Variants in ENTREP3 observed in about 807,000 individuals in gnomAD.
The protein encoded by ENTREP3 is endosomal transmembrane epsin interactor 3, also known as protein ENTREP3.
the ENTREP3 span, among the ~76,000 whole-genome samples, chr1:155,249,381 G>A: frequency 6.6e-5 from 10 of 151,694 alleles, no homozygotes; most frequent in African/African-American, 2.2e-4. Flanking sequence ...GCAAGCCACC[G>A]TGCCCGGCCT....
chr1:155,248,735 G>T, the ENTREP3 span, among the ~76,000 whole-genome samples: 2 of 151,524 alleles, frequency 1.3e-5, no homozygotes, highest in African/African-American at 4.9e-5. Flanking sequence ...ATTTTTTTGA[G>T]ATGGAGTCTC....
the ENTREP3 span, chr1:155,251,513 C>T: frequency 1.9e-6 from 3 of 1,613,306 alleles, no homozygotes; most frequent in Non-Finnish European, 1.7e-6. Flanking sequence ...TGGCTGTCTC[C>T]TCGTAGTCCC....
the ENTREP3 span, chr1:155,252,715 TA>T: frequency 2.2e-4 from 13 of 59,168 alleles, no homozygotes; most frequent in African/African-American, 5.2e-4. Flanking sequence ...TATATATATA[TA>T]TATATATTTT....
chr1:155,254,945 C>A, the ENTREP3 span: 1 of 1,280,270 alleles, frequency 7.8e-7, no homozygotes, highest in Admixed American at 2.0e-5. This position sits in a 1 kb window ranked among gnomAD's most constrained non-coding sequence, Gnocchi z 4.4. Context: ...CAGAGGCGCC[C>A]AAGGCCCCGT....
the ENTREP3 span, chr1:155,250,316 C>T: frequency 5.2e-6 from 8 of 1,547,908 alleles, no homozygotes; most frequent in East Asian, 2.0e-4. The surrounding 1 kb of genome is among the most constrained non-coding windows in gnomAD (Gnocchi z 5.4). Context: ...CGCTGTGGGA[C>T]CGTGGCAGCA....
chr1:155,247,755 T>C, the ENTREP3 span: 1 of 1,458,000 alleles, frequency 6.9e-7, no homozygotes, highest in Non-Finnish European at 9.1e-7. Context: ...TGTGGCTGGA[T>C]GTGTTCAGTG....
the ENTREP3 span, chr1:155,247,667 G>A: frequency 5.1e-6 from 5 of 985,212 alleles, no homozygotes; most frequent in East Asian, 5.2e-5. Flanking sequence ...ACACTTTGGG[G>A]GGTATACAGC....
the ENTREP3 span, chr1:155,254,810 T>C: frequency 6.2e-7 from 1 of 1,609,554 alleles, no homozygotes; most frequent in East Asian, 2.2e-5. The surrounding 1 kb of genome is among the most constrained non-coding windows in gnomAD (Gnocchi z 4.4). Context: ...GAGGCGGAGG[T>C]GGGTAAGGCC....
chr1:155,247,695 A>G, the ENTREP3 span: 4 of 1,280,850 alleles, frequency 3.1e-6, no homozygotes, highest in Non-Finnish European at 4.3e-6. Flanking sequence ...TTTTTGTGCC[A>G]GCCAGTGCAA....
the ENTREP3 span, chr1:155,251,618 A>G: frequency 1.2e-6 from 2 of 1,611,370 alleles, no homozygotes; most frequent in Admixed American, 1.7e-5. Flanking sequence ...GATGAGGAAG[A>G]GGGTCAATGT....
chr1:155,254,302 C>A, the ENTREP3 span: 1 of 1,517,798 alleles, frequency 6.6e-7, no homozygotes, highest in Non-Finnish European at 9.2e-7. The surrounding 1 kb of genome is among the most constrained non-coding windows in gnomAD (Gnocchi z 4.4). Flanking sequence ...CCGGCTGGCA[C>A]CAACTGGGGA....
At chr1:155,255,352 G>A in the ENTREP3 span, 2 of 161,780 alleles carry the variant, frequency 1.2e-5, no homozygotes. This position sits in a 1 kb window ranked among gnomAD's most constrained non-coding sequence, Gnocchi z 5.6. Context: ...AGTAGGATCC[G>A]GGGCCGCCTG....
At chr1:155,253,210 G>A in the ENTREP3 span, 5 of 164,936 alleles carry the variant, frequency 3.0e-5, no homozygotes, top group African/African-American at 7.2e-5. Flanking sequence ...CGCCCGGCCC[G>A]ATTTTTGTAT....
At chr1:155,254,264 C>T in the ENTREP3 span, 1 of 1,482,462 alleles carries the variant, frequency 6.7e-7, no homozygotes, top group Non-Finnish European at 9.4e-7. The surrounding 1 kb of genome is among the most constrained non-coding windows in gnomAD (Gnocchi z 4.4). Context: ...GACAGAGTCC[C>T]CCTCCTTCAC....
At chr1:155,253,394 C>T in the ENTREP3 span, 1 of 538,110 alleles carries the variant, frequency 1.9e-6, no homozygotes, top group Non-Finnish European at 3.3e-6. Context: ...CTCTAAAGCA[C>T]CCTCTCCTGG....
At chr1:155,252,664 C>A in the ENTREP3 span, 1 of 124,100 alleles carries the variant, frequency 8.1e-6, no homozygotes, top group Non-Finnish European at 1.6e-5. Context: ...GCCACGGAGC[C>A]CAGCCTAATT....
At chr1:155,252,042 T>TTTTAATGATACGGCGAC in the ENTREP3 span, 3 of 600,806 alleles carry the variant, frequency 5.0e-6, no homozygotes, top group South Asian at 2.7e-5. Context: ...GGCCCCTCCC[T>TTTTAATGATACGGCGAC]CACCCAAAAT....
chr1:155,248,248 C>A, the ENTREP3 span: 4 of 1,602,984 alleles, frequency 2.5e-6, no homozygotes, highest in East Asian at 9.0e-5. Flanking sequence ...GGGCACGTAG[C>A]AACTTGGGGG....
the ENTREP3 span, chr1:155,252,944 G>T: frequency 6.6e-6 from 1 of 151,006 alleles, no homozygotes; most frequent in African/African-American, 2.4e-5. Context: ...GTCTTGCTCT[G>T]TCGCCCAGGC....
Sources: allele counts gnomAD v4.1 joint callset (sites outside exome capture counted in the v4.1 genomes callset), GRCh38; gene constraint gnomAD v4.1.1; non-coding constraint Gnocchi (gnomAD v3.1); transcripts MANE v1.5; gene names NCBI Gene and HGNC (gene_info 2026-07-23, HGNC 2026-07-21).